Variants in RIMS2 observed in about 807,000 individuals in gnomAD.
RIMS2 encodes the protein regulating synaptic membrane exocytosis 2.
Under a neutral mutation model 174.4 loss-of-function variants are expected in RIMS2, and 59 were observed. That is an observed-to-expected ratio of 0.34 (90% CI 0.27 to 0.42). The LOEUF (loss-of-function observed/expected upper bound fraction) is 0.42, where lower values mean the gene tolerates loss of function less well. Among genes scored for constraint, RIMS2 ranks in the 10% least tolerant of loss-of-function variants. The pLI is 1.00. For missense variants in RIMS2, 1,620 were observed against 1,666.3 expected (o/e 0.97, Z 0.48); for synonymous variants, 606 against 572.5 (o/e 1.06, Z -0.84).
At chr8:104,211,863 G>A (rs768331400) in intron 19 of RIMS2, among the ~76,000 whole-genome samples, 17 of 152,126 alleles carry the variant, frequency 1.1e-4, no homozygotes, top group Non-Finnish European at 1.8e-4. Flanking sequence ...AATATCTTGG[G>A]GGCAAGAGTG....
intron 4 of RIMS2, among the ~76,000 whole-genome samples, chr8:103,895,165 T>C (rs971930220): frequency 7.6e-6 from 1 of 130,782 alleles, no homozygotes; most frequent in Non-Finnish European, 1.6e-5. Context: ...CTGTAATTCT[T>C]TGACAAGGTT....
intron 17 of RIMS2, chr8:103,998,103 C>G (rs1347320905): frequency 1.9e-6 from 2 of 1,067,468 alleles, no homozygotes. Context: ...CTTTTAAAAT[C>G]TCACTTTTTA....
intron 19 of RIMS2, among the ~76,000 whole-genome samples, chr8:104,095,903 T>G (rs1204676165): frequency 6.6e-6 from 1 of 152,168 alleles, no homozygotes; most frequent in Admixed American, 6.6e-5. Flanking sequence ...CCGATGTCCC[T>G]TCCCTTGTTA....
intron 19 of RIMS2, among the ~76,000 whole-genome samples, chr8:104,066,929 T>C (rs1444344971): frequency 6.6e-6 from 1 of 152,192 alleles, no homozygotes; most frequent in Non-Finnish European, 1.5e-5. Context: ...ATTAAACGAT[T>C]TTCCTTTAAA....
intron 19 of RIMS2, among the ~76,000 whole-genome samples, chr8:104,142,926 CTT>C (rs1317113614): frequency 6.6e-6 from 1 of 152,090 alleles, no homozygotes; most frequent in African/African-American, 2.4e-5. Flanking sequence ...AAATACTAAA[CTT>C]TAAATTTCTG....
chr8:103,779,760 G>A (rs1355788568), intron 3 of RIMS2, among the ~76,000 whole-genome samples: 1 of 113,390 alleles, frequency 8.8e-6, no homozygotes, highest in African/African-American at 3.4e-5. Flanking sequence ...TCATGGGGTG[G>A]GGGGAGGGGG....
Position 103,759,704 on chromosome 8 carries a change from G to A in RIMS2, c.388-6523G>A, listed in dbSNP as rs572903759. Reference sequence around the variant, plus strand: ...CAGACATGACACCTATCTATAGTGAGGGATGAGATGACTTTGCAGAAGAAG... The same window carrying A: ...CAGACATGACACCTATCTATAGTGAAGGATGAGATGACTTTGCAGAAGAAG... On this transcript the variant is annotated intron_variant, in intron 2 of 23. Coordinates refer to ENST00000504942, the Ensembl canonical transcript of RIMS2. 6.6e-5 allele frequency among the ~76,000 whole-genome samples: 10 copies of A among 152,286 alleles called. No individual in the cohort carries two copies. In the South Asian group the frequency reaches 2.1e-3, roughly 32 times the overall value.
At chr8:103,774,875 A>G (rs2098295997) in intron 3 of RIMS2, among the ~76,000 whole-genome samples, 1 of 152,170 alleles carries the variant, frequency 6.6e-6, no homozygotes, top group East Asian at 1.9e-4. Flanking sequence ...AGATCTGTAT[A>G]CTTTTAACTG....
At chr8:103,924,139 AC>A in intron 10 of RIMS2, among the ~76,000 whole-genome samples, 1 of 151,828 alleles carries the variant, frequency 6.6e-6, no homozygotes, top group Non-Finnish European at 1.5e-5. Context: ...TGTCAGAATA[AC>A]CTTCCAGAAA....
At chr8:103,921,530 A>G (rs2077663193) in intron 9 of RIMS2, 142 bp from the exon 13 acceptor site, 1 of 559,544 alleles carries the variant, frequency 1.8e-6, no homozygotes, top group Non-Finnish European at 3.2e-6. Flanking sequence ...AATATTTGGA[A>G]TGTTTTGTCT....
At chr8:104,094,611 G>A (rs1202682847) in intron 19 of RIMS2, 1 of 701,914 alleles carries the variant, frequency 1.4e-6, no homozygotes, top group Admixed American at 2.0e-5. Context: ...GTGTAATAAG[G>A]AGAAAAACAG....
chr8:103,792,811 C>G (rs967920677), intron 3 of RIMS2, among the ~76,000 whole-genome samples: 3 of 152,042 alleles, frequency 2.0e-5, no homozygotes, highest in Non-Finnish European at 4.4e-5. Context: ...GACCTCTATG[C>G]AAATAAACTA....
intron 1 of RIMS2, among the ~76,000 whole-genome samples, chr8:103,625,422 T>C (rs986357404): frequency 7.2e-5 from 11 of 152,158 alleles, no homozygotes; most frequent in African/African-American, 2.4e-4. Flanking sequence ...GATTTAATAA[T>C]AGAACATTTA....
rs904535338 is a variant in RIMS2 at position 103,516,995 on chromosome 8, C to A, written c.176+15933C>A. ...TTTTTGATTTAAGTATTTATTTGTTCTTCCTTTAAACAAATGCATTTTGAG... is the reference window on the plus strand; with the variant it reads ...TTTTTGATTTAAGTATTTATTTGTTATTCCTTTAAACAAATGCATTTTGAG... On this transcript the variant is annotated intron_variant, in intron 1 of 23. Coordinates refer to ENST00000504942, the Ensembl canonical transcript of RIMS2. 2.6e-5 allele frequency among the ~76,000 whole-genome samples: 4 copies of A among 152,258 alleles called. No homozygotes were observed. The South Asian group carries it at 6.2e-4, about 24-fold the overall frequency.
At chr8:103,799,423 A>G (rs2098588152) in intron 3 of RIMS2, among the ~76,000 whole-genome samples, 1 of 152,212 alleles carries the variant, frequency 6.6e-6, no homozygotes, top group Non-Finnish European at 1.5e-5. Context: ...ACTGTGAGTC[A>G]GTGAACATCC....
At position 103,942,197 on chromosome 8, in the gene RIMS2, A is replaced by C. The variant is rs528649065; in HGVS notation, c.2548-576A>C. ...ACGTGTTATTTGCCTCTGTGGGTCC[A>C]TGTGTTTCTCATCATTTAGCTCCCA... On this transcript the variant is annotated intron_variant, in intron 13 of 23. Coordinates refer to ENST00000504942, the Ensembl canonical transcript of RIMS2. Among the ~76,000 whole-genome samples, 8 of 152,208 alleles carry C rather than the reference A, an allele frequency of 5.3e-5. No homozygotes were observed. The South Asian group carries it at 1.7e-3, about 32-fold the overall frequency.
intron 3 of RIMS2, among the ~76,000 whole-genome samples, chr8:103,785,542 C>T (rs2098435611): frequency 6.6e-6 from 1 of 152,064 alleles, no homozygotes; most frequent in African/African-American, 2.4e-5. Flanking sequence ...TGGTTTTTGT[C>T]TTTGGTTCTG....
At chr8:104,189,243 G>A (rs2098984937) in intron 19 of RIMS2, among the ~76,000 whole-genome samples, 1 of 151,982 alleles carries the variant, frequency 6.6e-6, no homozygotes, top group South Asian at 2.1e-4. Flanking sequence ...TGGGAAGAAG[G>A]TGCTGGAAAA....
chr8:104,050,257 G>A (rs1411191374), intron 19 of RIMS2, among the ~76,000 whole-genome samples: 1 of 151,980 alleles, frequency 6.6e-6, no homozygotes, highest in Admixed American at 6.6e-5. Flanking sequence ...ATACGTATCA[G>A]GCCTTATTCT....
Sources: gnomAD v4.1 joint callset for allele counts (sites outside exome capture counted in the v4.1 genomes callset) on GRCh38, gnomAD v4.1.1 for gene constraint, MANE v1.5 for transcripts, NCBI Gene and HGNC (gene_info 2026-07-23, HGNC 2026-07-21) for gene names.